FARP1: variants seen among roughly 807,000 people sequenced by gnomAD.
FARP1 encodes FERM, ARHGEF and pleckstrin domain-containing protein 1.
A neutral mutation model predicts 128.8 loss-of-function variants in FARP1; 52 were observed. The ratio of observed to expected loss-of-function variants is 0.40; its 90% CI spans 0.32 to 0.51. The LOEUF is 0.51. FARP1 is among the 20% of genes least tolerant of loss of function. FARP1 has a pLI of 0.45. For synonymous variants in FARP1, 580 were observed against 551.8 expected (o/e 1.05, Z -0.72); for missense variants, 1,333 against 1,367.9 (o/e 0.97, Z 0.40).
At chr13:98,172,889 G>C (rs757602795) in intron 1 of FARP1, among the ~76,000 whole-genome samples, 1 of 152,182 alleles carries the variant, frequency 6.6e-6, no homozygotes, top group Admixed American at 6.5e-5. Flanking sequence ...GCAGATCCAC[G>C]TTATTGTACT....
At chr13:98,447,325 G>A (rs1433898885) in intron 26 of FARP1, 1 of 153,376 alleles carries the variant, frequency 6.5e-6, no homozygotes, top group Non-Finnish European at 1.5e-5. Flanking sequence ...TCAGCAATAT[G>A]CTGAGCACCT....
In FARP1 at chr13:98,273,000, C is replaced by T. The variant is rs191620897; in HGVS notation, c.171+59587C>T. 7.4e-4 allele frequency among the ~76,000 whole-genome samples: 112 copies of T among 152,248 alleles called. No homozygotes were observed. In the East Asian group the frequency reaches 7.5e-3, roughly 10 times the overall value. Reference sequence around the variant, plus strand: ...TGAGCGAGTATGAGAGACTGGGAAACGTAGTCTGAAGAGGTCCTGAGAAAG... The same window carrying T: ...TGAGCGAGTATGAGAGACTGGGAAATGTAGTCTGAAGAGGTCCTGAGAAAG... On this transcript the variant is annotated intron_variant, in intron 2 of 26. Coordinates refer to ENST00000319562, the MANE Select transcript of FARP1 (RefSeq NM_005766.4).
intron 24 of FARP1, among the ~76,000 whole-genome samples, chr13:98,443,686 T>G (rs1183226262): frequency 6.6e-6 from 1 of 151,698 alleles, no homozygotes; most frequent in Non-Finnish European, 1.5e-5. Flanking sequence ...CCACTAGAGG[T>G]GGGGTCAGAT....
intron 2 of FARP1, among the ~76,000 whole-genome samples, chr13:98,281,266 T>C (rs1427816694): frequency 6.6e-6 from 1 of 152,064 alleles, no homozygotes; most frequent in African/African-American, 2.4e-5. Flanking sequence ...GGCAGGGGAA[T>C]TGCTTGATCC....
At chr13:98,409,872 G>A (rs1347357487) in intron 14 of FARP1, among the ~76,000 whole-genome samples, 2 of 152,316 alleles carry the variant, frequency 1.3e-5, no homozygotes, top group African/African-American at 4.8e-5. Context: ...TTTTGTGACT[G>A]GCTTATTTCA....
chr13:98,453,881 G>C lies in FARP1; in HGVS notation c.*5564G>C, dbSNP rs1463407529. ...AAAAGTACATACAAAATTACAGATT[G>C]GGCATCCCTTATCTGAAATGCTTCT... On this transcript the variant is annotated 3_prime_UTR_variant, in exon 27 of 27. Transcript: ENST00000319562. The C allele has an allele frequency of 6.6e-6, 1 of 152,118 alleles. No individual in the cohort carries two copies. Among genetic ancestry groups the C allele is most frequent in the Non-Finnish European group, 1.5e-5 (1 of 68,034 alleles). 9.4% of individuals were successfully genotyped at this position (152,118 alleles called of 1,614,324 possible). A position where few individuals can be genotyped will look rare whatever the true frequency, so the allele number is the denominator to read the frequency against.
rs139876348 is a variant in FARP1 at position 98,335,103 on chromosome 13, C to G, written c.172-8659C>G. Among the ~76,000 whole-genome samples, 851 of 152,296 alleles carry G rather than the reference C, an allele frequency of 5.6e-3. 2 individuals carry two copies. The highest frequency in any genetic ancestry group is 9.3e-3 in the Admixed American group (142 of 15,298). ...AGAACACCTCCATCAGGGAGAATAG[C>G]CATTTGCTCTATTCTCTGACTTTCT... On this transcript the variant is annotated intron_variant, in intron 2 of 26. Transcript: ENST00000319562.
intron 2 of FARP1, among the ~76,000 whole-genome samples, chr13:98,237,275 GC>G (rs1431029700): frequency 6.6e-6 from 1 of 151,452 alleles, no homozygotes; most frequent in African/African-American, 2.4e-5. Context: ...TTGTACTCCA[GC>G]CTGGGCAACA....
chr13:98,147,093 C>T (rs1330871639), intron 1 of FARP1, among the ~76,000 whole-genome samples: 1 of 152,136 alleles, frequency 6.6e-6, no homozygotes, highest in Non-Finnish European at 1.5e-5. Flanking sequence ...AATCAAGAAG[C>T]CCCCAGAAAA....
chr13:98,336,883 A>G lies in FARP1; in HGVS notation c.172-6879A>G, dbSNP rs540103911. Among the ~76,000 whole-genome samples the G allele has an allele frequency of 8.5e-5, 13 of 152,360 alleles. No individual in the cohort carries two copies. In the South Asian group the frequency reaches 2.3e-3, roughly 27 times the overall value. ...AAGAAAAGGACAAAAATTTCATTACATAGTTTCACGAATTGCTGGTTTGTT... is the reference window on the plus strand; with the variant it reads ...AAGAAAAGGACAAAAATTTCATTACGTAGTTTCACGAATTGCTGGTTTGTT... On this transcript the variant is annotated intron_variant, in intron 2 of 26. Coordinates refer to ENST00000319562, the MANE Select transcript of FARP1 (RefSeq NM_005766.4).
intron 3 of FARP1, among the ~76,000 whole-genome samples, chr13:98,349,635 C>T (rs1188041006): frequency 7.7e-6 from 1 of 130,050 alleles, no homozygotes; most frequent in Non-Finnish European, 1.5e-5. Flanking sequence ...CGCACCACTG[C>T]ACTCAAGCTT....
intron 6 of FARP1, chr13:98,383,758 T>A (rs1889979822): frequency 6.6e-6 from 1 of 152,200 alleles, no homozygotes; most frequent in South Asian, 2.1e-4. Flanking sequence ...AAGTCTGATT[T>A]TAAAGCTCTA....
intron 2 of FARP1, among the ~76,000 whole-genome samples, chr13:98,269,254 G>T (rs1482421387): frequency 9.2e-5 from 14 of 152,188 alleles, no homozygotes; most frequent in Non-Finnish European, 1.5e-5. Context: ...ATCTTTCTAG[G>T]TGAATGTCAT....
intron 2 of FARP1, among the ~76,000 whole-genome samples, chr13:98,241,064 G>C (rs4772056): frequency 0.89 from 135,752 of 152,268 alleles, 60,679 homozygotes; most frequent in African/African-American, 0.95. Flanking sequence ...AGTCGAAGAA[G>C]AGAGTGTAGA....
chr13:98,244,845 G>A (rs1882975442), intron 2 of FARP1: 4 of 1,459,344 alleles, frequency 2.7e-6, no homozygotes, highest in Admixed American at 2.5e-5. Context: ...AGTAGATACA[G>A]ATGTGATCTC....
At chr13:98,396,166 G>C in intron 13 of FARP1, 1 of 399,290 alleles carries the variant, frequency 2.5e-6, no homozygotes, top group Admixed American at 4.4e-5. Flanking sequence ...AGCCAGCGCA[G>C]CTGCTCCCGA....
chr13:98,191,458 G>A (rs1262875960), intron 1 of FARP1, among the ~76,000 whole-genome samples: 1 of 152,164 alleles, frequency 6.6e-6, no homozygotes, highest in Admixed American at 6.5e-5. Context: ...AGTGGAAAAT[G>A]CTTTGGGGTA....
intron 2 of FARP1, among the ~76,000 whole-genome samples, chr13:98,268,804 G>GTA (rs1884256849): frequency 6.6e-6 from 1 of 151,708 alleles, no homozygotes; most frequent in East Asian, 1.9e-4. Flanking sequence ...GTGTGTGTGT[G>GTA]TGTGTGTGTG....
chr13:98,260,181 C>T (rs975465747), intron 2 of FARP1, among the ~76,000 whole-genome samples: 52 of 152,222 alleles, frequency 3.4e-4, no homozygotes, highest in African/African-American at 1.2e-3. Context: ...TTTCCTAATA[C>T]AAGTTTTACT....
Sources: gnomAD v4.1 joint callset for allele counts (sites outside exome capture counted in the v4.1 genomes callset) on GRCh38, gnomAD v4.1.1 for gene constraint, MANE v1.5 for transcripts, NCBI Gene and HGNC (gene_info 2026-07-23, HGNC 2026-07-21) for gene names.